The following SLC5A1 variants were observed in gnomAD, a reference collection of about 807,000 sequenced individuals.
SLC5A1 encodes sodium/glucose cotransporter 1.
A neutral mutation model predicts 73.5 loss-of-function variants in SLC5A1; 42 were observed. The ratio of observed to expected loss-of-function variants is 0.57; its 90% CI spans 0.45 to 0.74. SLC5A1 has a LOEUF of 0.74. Among genes scored for constraint, SLC5A1 ranks in the 30% least tolerant of loss-of-function variants. SLC5A1 has a pLI of 0.00. For synonymous variants in SLC5A1, 300 were observed against 317.4 expected (o/e 0.95, Z 0.58); for missense variants, 634 against 855.4 (o/e 0.74, Z 3.23).
At chr22:32,068,725 C>T (rs937422000) in intron 5 of SLC5A1, 125 bp downstream of exon 5, 30 of 717,194 alleles carry the variant, frequency 4.2e-5, no homozygotes, top group African/African-American at 1.2e-4. Flanking sequence ...AGCCTTCTTG[C>T]GCCTTGGAGT....
At chr22:32,056,251 G>A (rs1438857745) in intron 2 of SLC5A1, among the ~76,000 whole-genome samples, 1 of 152,090 alleles carries the variant, frequency 6.6e-6, no homozygotes, top group East Asian at 1.9e-4. Context: ...GAACTCCCGA[G>A]CTCAAGCAGT....
At chr22:32,080,344 G>A (rs2093997551) in intron 5 of SLC5A1, among the ~76,000 whole-genome samples, 1 of 152,124 alleles carries the variant, frequency 6.6e-6, no homozygotes, top group South Asian at 2.1e-4. Context: ...CACCCTCCAG[G>A]GCTCACGTGT....
intron 10 of SLC5A1, among the ~76,000 whole-genome samples, chr22:32,086,621 G>A (rs1224759945): frequency 6.6e-6 from 1 of 152,168 alleles, no homozygotes; most frequent in African/African-American, 2.4e-5. Flanking sequence ...TACTCATACA[G>A]AAGGTCTTTC....
Position 32,056,846 on chromosome 22 carries a change from G to A in SLC5A1, c.207+6832G>A, listed in dbSNP as rs908671845. Among the ~76,000 whole-genome samples, 5 of 152,328 alleles carry A rather than the reference G, an allele frequency of 3.3e-5. 1 individual carries two copies. The highest frequency in any genetic ancestry group is 3.3e-4 in the Admixed American group (5 of 15,306). On this transcript the variant is annotated intron_variant, in intron 2 of 14. Transcript: ENST00000266088. The stretch of plus-strand genomic sequence containing the variant: ...CTTGTTTCCTCAAGGAGAAAACGAT[G>A]ACTCTGTTTCTTTCAGGAAATTCAG...
At chr22:32,098,040 T>C (rs577256208) in intron 11 of SLC5A1, among the ~76,000 whole-genome samples, 1 of 152,258 alleles carries the variant, frequency 6.6e-6, no homozygotes, top group East Asian at 1.9e-4. Flanking sequence ...TTCAAAAGAT[T>C]GATATCAAAT....
intron 4 of SLC5A1, 141 bp from the exon 5 acceptor site, chr22:32,068,355 G>A (rs146492461): frequency 8.2e-6 from 6 of 728,780 alleles, no homozygotes; most frequent in East Asian, 2.7e-5. Context: ...TGGCCACCTC[G>A]CAGACTTCTC....
At chr22:32,064,856 C>T (rs2093970066) in intron 2 of SLC5A1, among the ~76,000 whole-genome samples, 2 of 152,218 alleles carry the variant, frequency 1.3e-5, no homozygotes, top group Admixed American at 1.3e-4. Flanking sequence ...GCAATCTATA[C>T]ACAACTTAGA....
At chr22:32,098,981 G>A (rs1469570188) in intron 11 of SLC5A1, among the ~76,000 whole-genome samples, 10 of 150,506 alleles carry the variant, frequency 6.6e-5, no homozygotes, top group Admixed American at 6.6e-4. Flanking sequence ...AGCTACTCAG[G>A]AGGCTGAGGC....
intron 1 of SLC5A1, among the ~76,000 whole-genome samples, chr22:32,047,348 C>G (rs1052561005): frequency 2.0e-5 from 3 of 152,214 alleles, no homozygotes; most frequent in African/African-American, 7.2e-5. Context: ...CCCTCACATT[C>G]TTCCTCTAAG....
At chr22:32,048,484 A>G (rs747671615) in intron 1 of SLC5A1, among the ~76,000 whole-genome samples, 17 of 152,228 alleles carry the variant, frequency 1.1e-4, no homozygotes, top group Non-Finnish European at 2.1e-4. Flanking sequence ...TGCACTTTTT[A>G]GCCTGGCATT....
chr22:32,105,687 T>C (rs935558711), intron 14 of SLC5A1, among the ~76,000 whole-genome samples: 16 of 152,158 alleles, frequency 1.1e-4, no homozygotes, highest in Admixed American at 3.9e-4. Flanking sequence ...ATTCTTTCTA[T>C]TTTTTTGTTG....
At chr22:32,109,913 G>T in intron 14 of SLC5A1, 77 bp from the exon 15 acceptor site, 1 of 1,075,862 alleles carries the variant, frequency 9.3e-7, no homozygotes, top group Non-Finnish European at 1.4e-6. Context: ...GATGCTTCAT[G>T]GTGTGGCTTC....
intron 5 of SLC5A1, among the ~76,000 whole-genome samples, chr22:32,079,958 A>T (rs1456871111): frequency 6.6e-6 from 1 of 152,122 alleles, no homozygotes; most frequent in Non-Finnish European, 1.5e-5. Flanking sequence ...CCGGGAGAAG[A>T]ATGCTTTCCT....
rs1270801080 is a variant in SLC5A1 at position 32,111,661 on chromosome 22, G to A, written c.*1448G>A. 8 of 152,182 alleles carry A rather than the reference G, an allele frequency of 5.3e-5. No homozygotes were observed. The highest frequency in any genetic ancestry group is 5.2e-4 in the Admixed American group (8 of 15,280). 9.4% of individuals were successfully genotyped at this position (152,182 alleles called of 1,614,324 possible). A position where few individuals can be genotyped will look rare whatever the true frequency, so the allele number is the denominator to read the frequency against. On this transcript the variant is annotated 3_prime_UTR_variant, in exon 15 of 15. Coordinates refer to ENST00000266088, the MANE Select transcript of SLC5A1 (RefSeq NM_000343.4). Reference sequence around the variant, plus strand: ...CAGGGTAGGGCAGGGCCTTTGGGTAGGCTGATCAGAGGGTTTTTCAACAAT... The same window carrying A: ...CAGGGTAGGGCAGGGCCTTTGGGTAAGCTGATCAGAGGGTTTTTCAACAAT...
intron 9 of SLC5A1, 81 bp from the exon 10 acceptor site, chr22:32,086,139 T>C: frequency 2.4e-6 from 2 of 846,110 alleles, no homozygotes; most frequent in Non-Finnish European, 2.0e-6. Flanking sequence ...AGACTCCGTC[T>C]CAAAAAAAAA....
At chr22:32,100,893 T>C (rs377013341) in intron 12 of SLC5A1, among the ~76,000 whole-genome samples, 53 of 152,276 alleles carry the variant, frequency 3.5e-4, no homozygotes, top group African/African-American at 1.1e-3. Flanking sequence ...CCGGTTCAGA[T>C]TGGGAGACAG....
rs1450335614 is a variant in SLC5A1, at chr22:32,049,976, G to A, written c.169G>A (p.Gly57Ser). Residue 57 changes from glycine to serine, a missense_variant, in exon 2 of 15, where the codon GGC becomes AGC. Coordinates refer to ENST00000266088, the MANE Select transcript of SLC5A1 (RefSeq NM_000343.4). ...MFSTNRGTVG[G>S]FFLAGRSMVW... The stretch of plus-strand genomic sequence containing the variant: ...TTCCACCAATCGTGGGACTGTTGGA[G>A]GCTTCTTCCTGGCAGGCCGAAGTAT... 1 of 1,614,096 alleles carries A rather than the reference G, an allele frequency of 6.2e-7. No homozygotes were observed.
At chr22:32,105,828 CAT>C (rs1287407086) in intron 14 of SLC5A1, among the ~76,000 whole-genome samples, 1 of 152,120 alleles carries the variant, frequency 6.6e-6, no homozygotes, top group Non-Finnish European at 1.5e-5. Flanking sequence ...TAAGTGAGAA[CAT>C]GAGATGTTTG....
rs2094042295 is a variant in SLC5A1 at position 32,104,801 on chromosome 22, T to C, written c.1681T>C (p.Trp561Arg). ...TTCTCTGCAGCTCTACCGTCTGTGT[T>C]GGAGCCTGCGCAACAGCAAAGAGGA... ...IPDVHLYRLC[W>R]SLRNSKEERI... is the part of the protein sequence containing the mutation. The change falls in exon 14 of 15, where the codon TGG becomes CGG. Residue 561 changes from tryptophan to arginine, a missense_variant. Physicochemically the swap from Trp to Arg is moderately radical, Grantham distance 101. Transcript: ENST00000266088. 6.2e-7 allele frequency: 1 copy of C among 1,613,998 alleles called. No individual in the cohort carries two copies. The highest frequency in any genetic ancestry group is 1.3e-5 in the African/African-American group (1 of 74,920).
Sources: allele counts gnomAD v4.1 joint callset (sites outside exome capture counted in the v4.1 genomes callset), GRCh38; gene constraint gnomAD v4.1.1; transcripts MANE v1.5; gene names NCBI Gene and HGNC (gene_info 2026-07-23, HGNC 2026-07-21).